The following DIP2C variants were observed in gnomAD, a reference collection of about 807,000 sequenced individuals.
The protein encoded by DIP2C is disco-interacting protein 2 homolog C.
DIP2C carries 33 observed loss-of-function variants against 192.4 expected under a neutral mutation model. The ratio of observed to expected loss-of-function variants is 0.17; its 90% CI spans 0.13 to 0.23. The LOEUF is 0.23. Ranked by LOEUF, DIP2C falls within the 10% of genes least tolerant of loss-of-function variation. DIP2C has a pLI of 1.00. For missense variants in DIP2C, 1,537 were observed against 2,110.1 expected, an observed-to-expected ratio of 0.73 and a Z score of 5.32; for synonymous variants, 979 against 864.1, an observed-to-expected ratio of 1.13 and a Z score of -2.33.
chr10:344,830 A>T lies in DIP2C; in HGVS notation c.3432T>A (p.Thr1144=). ...TCACCTTTACGCCAGCTAGCATCCC[A>T]GTTGTGGACACGCTGAAGTCGAGAT... is the stretch of plus-strand genomic sequence containing the variant. ...LAYLDFSVST[T]GMLAGVKMSH... is the part of the protein sequence containing the mutation. Residue 1144 remains threonine (T), a synonymous_variant, in exon 28 of 37, where the codon ACT becomes ACA. Coordinates refer to ENST00000280886, the MANE Select transcript of DIP2C (RefSeq NM_014974.3). The T allele has an allele frequency of 6.3e-7, 1 of 1,598,016 alleles. No individual in the cohort carries two copies.
At chr10:332,058 G>T (rs947116522) in intron 29 of DIP2C, among the ~76,000 whole-genome samples, 3 of 152,008 alleles carry the variant, frequency 2.0e-5, no homozygotes, top group African/African-American at 7.3e-5. Flanking sequence ...TGGGACTAGA[G>T]GCACGTACCA....
At chr10:286,085 T>TG (rs1396283009) in intron 34 of DIP2C, among the ~76,000 whole-genome samples, 188 bp downstream of exon 34, 1 of 152,256 alleles carries the variant, frequency 6.6e-6, no homozygotes, top group Non-Finnish European at 1.5e-5. Context: ...ATTTTGTAAT[T>TG]GTGAGCTTTC....
At chr10:561,664 G>A (rs1252745620) in intron 1 of DIP2C, among the ~76,000 whole-genome samples, 1 of 152,212 alleles carries the variant, frequency 6.6e-6, no homozygotes, top group South Asian at 2.1e-4. Flanking sequence ...CAGGCTTGAA[G>A]GCCACCTCCC....
chr10:604,865 T>C (rs1852352333), intron 1 of DIP2C, among the ~76,000 whole-genome samples: 1 of 152,106 alleles, frequency 6.6e-6, no homozygotes, highest in Non-Finnish European at 1.5e-5. Flanking sequence ...AAGCACAAAT[T>C]TCCACTCTGA....
rs1954401602 is a variant in DIP2C at position 274,212 on chromosome 10, ATATT to A, written c.*3109_*3112del. ...CACTTGCAGCAAAATGTGAACAAATATATTTAGATATATTTAAAAGAATTAAAAA... is the reference window on the plus strand; with the variant it reads ...CACTTGCAGCAAAATGTGAACAAATATAGATATATTTAAAAGAATTAAAAA... On this transcript the variant is annotated 3_prime_UTR_variant, in exon 37 of 37. Coordinates refer to ENST00000280886, the MANE Select transcript of DIP2C (RefSeq NM_014974.3). 6.6e-6 allele frequency: 1 copy of A among 152,192 alleles called. No individual in the cohort carries two copies. The highest frequency in any genetic ancestry group is 1.5e-5 in the Non-Finnish European group (1 of 68,028). The allele number at this position is 152,192 out of a possible 1,614,324, so 9.4% of individuals were successfully genotyped here. A position where few individuals can be genotyped will look rare whatever the true frequency, so the allele number is the denominator to read the frequency against.
At chr10:294,941 T>C (rs1022598589) in intron 32 of DIP2C, among the ~76,000 whole-genome samples, 2 of 151,962 alleles carry the variant, frequency 1.3e-5, no homozygotes, top group African/African-American at 2.4e-5. Flanking sequence ...TCAGGATATA[T>C]AAGGAACTCA....
At chr10:336,346 ACG>A (rs1957768372) in intron 29 of DIP2C, among the ~76,000 whole-genome samples, 2 of 126,036 alleles carry the variant, frequency 1.6e-5, no homozygotes, top group African/African-American at 2.8e-5. Flanking sequence ...GAAGCACACC[ACG>A]TTACTTGTGT....
At chr10:423,864 T>C (rs978674873) in intron 4 of DIP2C, among the ~76,000 whole-genome samples, 5 of 152,238 alleles carry the variant, frequency 3.3e-5, no homozygotes, top group African/African-American at 9.6e-5. Context: ...CAAACCTTCA[T>C]CACGTCACAT....
At chr10:372,016 G>C (rs903247626) in intron 17 of DIP2C, among the ~76,000 whole-genome samples, 1 of 151,346 alleles carries the variant, frequency 6.6e-6, no homozygotes, top group Non-Finnish European at 1.5e-5. Flanking sequence ...AAGGGAAAAA[G>C]TTATCTCAGG....
chr10:610,336 G>GCA (rs1193323665), intron 1 of DIP2C, among the ~76,000 whole-genome samples: 1 of 152,176 alleles, frequency 6.6e-6, no homozygotes, highest in African/African-American at 2.4e-5. Flanking sequence ...CTGGTAAGGG[G>GCA]CACAAACACA....
chr10:515,847 T>C (rs1389924794), intron 1 of DIP2C, among the ~76,000 whole-genome samples: 1 of 152,110 alleles, frequency 6.6e-6, no homozygotes, highest in African/African-American at 2.4e-5. Flanking sequence ...AAAATTCTAT[T>C]CTCGTCTCTA....
At chr10:471,503 A>G (rs1278503458) in intron 3 of DIP2C, among the ~76,000 whole-genome samples, 1 of 152,160 alleles carries the variant, frequency 6.6e-6, no homozygotes, top group Non-Finnish European at 1.5e-5. Context: ...CACAGAAGAC[A>G]ACAGTCACGA....
At position 674,789 on chromosome 10, in the gene DIP2C, T is replaced by TATATATATATAGAG; in HGVS notation, c.85+14704_85+14705insCTCTATATATATAT. Among the ~76,000 whole-genome samples, 284 of 62,454 alleles carry TATATATATATAGAG rather than the reference T, an allele frequency of 4.5e-3. 2 individuals carry two copies. Among genetic ancestry groups the TATATATATATAGAG allele is most frequent in the Non-Finnish European group, 4.5e-3 (168 of 37,406 alleles). The allele number at this position is 62,454 out of a possible 152,430, so 41.0% of individuals were successfully genotyped here. ...CATCTCAAATATATATATATATATA[T>TATATATATATAGAG]AGAGAGAGAGAGAGAGAGAGAGAGA... On this transcript the variant is annotated intron_variant, in intron 1 of 36. Transcript: ENST00000280886.
At chr10:290,187 C>T (rs1328797263) in intron 32 of DIP2C, among the ~76,000 whole-genome samples, 1 of 152,222 alleles carries the variant, frequency 6.6e-6, no homozygotes, top group African/African-American at 2.4e-5. Context: ...ACCATTAACT[C>T]TGTGGTGTCT....
intron 1 of DIP2C, among the ~76,000 whole-genome samples, chr10:558,514 C>T (rs1017764713): frequency 1.3e-5 from 2 of 152,112 alleles, no homozygotes; most frequent in African/African-American, 4.8e-5. Context: ...TGGAGGCGGG[C>T]GCCCAGCGCA....
chr10:671,576 C>T (rs1157543123), intron 1 of DIP2C, among the ~76,000 whole-genome samples: 3 of 95,978 alleles, frequency 3.1e-5, no homozygotes, highest in African/African-American at 1.4e-4. Context: ...CACAGACGCA[C>T]GGACGGAGGA....
chr10:285,470 C>T (rs865928554), intron 34 of DIP2C, among the ~76,000 whole-genome samples: 5 of 152,268 alleles, frequency 3.3e-5, no homozygotes, highest in South Asian at 2.1e-4. Context: ...CACGGCAGGC[C>T]GGGGTAACCG....
intron 32 of DIP2C, among the ~76,000 whole-genome samples, chr10:303,335 G>C (rs1345991942): frequency 6.6e-6 from 1 of 152,194 alleles, no homozygotes; most frequent in African/African-American, 2.4e-5. Flanking sequence ...CACTGTACTC[G>C]TAAGCTACAC....
chr10:513,918 G>T (rs1018972940), intron 1 of DIP2C, among the ~76,000 whole-genome samples: 1 of 152,210 alleles, frequency 6.6e-6, no homozygotes, highest in Non-Finnish European at 1.5e-5. Context: ...GGAAGCCACG[G>T]CCAAATGCCA....
Sources: allele counts gnomAD v4.1 joint callset (sites outside exome capture counted in the v4.1 genomes callset), GRCh38; gene constraint gnomAD v4.1.1; transcripts MANE v1.5; gene names NCBI Gene and HGNC (gene_info 2026-07-23, HGNC 2026-07-21).